ARID1B: variants seen among roughly 807,000 people sequenced by gnomAD.
ARID1B encodes the protein AT-rich interaction domain 1B.
In ARID1B, 30 loss-of-function variants were observed where a neutral mutation model predicts 212.3. The observed-to-expected ratio is 0.14, with a 90% CI of 0.11 to 0.19. ARID1B has a LOEUF of 0.19. Among genes scored for constraint, ARID1B ranks in the 10% least tolerant of loss-of-function variants. ARID1B has a pLI of 1.00. For synonymous variants in ARID1B, 1,402 were observed against 1,301.7 expected, an observed-to-expected ratio of 1.08 and a Z score of -1.66; for missense variants, 2,891 against 3,204.0, an observed-to-expected ratio of 0.90 and a Z score of 2.36.
intron 9 of ARID1B, 109 bp from the exon 10 acceptor site, chr6:157,173,899 C>A: frequency 3.4e-6 from 3 of 874,356 alleles, no homozygotes; most frequent in South Asian, 1.8e-5. Context: ...TTTCTTCCTT[C>A]AAGGGAAATG....
At chr6:156,844,369 C>T (rs1367082799) in intron 2 of ARID1B, among the ~76,000 whole-genome samples, 1 of 152,202 alleles carries the variant, frequency 6.6e-6, no homozygotes, top group African/African-American at 2.4e-5. Flanking sequence ...GATGGAAGTG[C>T]AGTATGTCTC....
Position 157,207,572 on chromosome 6 carries a change from T to C in ARID1B, c.6800T>C (p.Leu2267Pro). Residue 2267 changes from leucine to proline, a missense_variant, in exon 20 of 20, where the codon CTA becomes CCA. Transcript: ENST00000636930. This position sits in a 1 kb window ranked among gnomAD's most constrained non-coding sequence, Gnocchi z 8.5. ...LLSNLAQGDA[L>P]AARAIAVQKG... is the part of the protein sequence containing the mutation. ...TCGAACCTTGCCCAAGGGGACGCAC[T>C]AGCAGCAAGGGCCATAGCTGTGCAG... The C allele has an allele frequency of 6.2e-7, 1 of 1,614,134 alleles. No homozygotes were observed. The highest frequency in any genetic ancestry group is 8.5e-7 in the Non-Finnish European group (1 of 1,180,014).
At chr6:157,126,899 C>T (rs1343128317) in intron 6 of ARID1B, among the ~76,000 whole-genome samples, 1 of 152,224 alleles carries the variant, frequency 6.6e-6, no homozygotes, top group Non-Finnish European at 1.5e-5. Flanking sequence ...TGCGTTCCCT[C>T]AGCTGTCAGG....
chr6:157,060,069 C>T (rs1200458296), intron 4 of ARID1B, among the ~76,000 whole-genome samples: 5 of 152,032 alleles, frequency 3.3e-5, no homozygotes, highest in African/African-American at 9.7e-5. Flanking sequence ...ACCTGGACAC[C>T]GAGGCAGGGT....
At chr6:156,877,876 ATT>A (rs71750418) in intron 2 of ARID1B, among the ~76,000 whole-genome samples, 2 of 148,684 alleles carry the variant, frequency 1.3e-5, no homozygotes, top group African/African-American at 4.9e-5. Context: ...TACCTAGCTA[ATT>A]TTTTTTTTTG....
chr6:156,977,383 G>A (rs1410054224), intron 4 of ARID1B, among the ~76,000 whole-genome samples: 1 of 150,746 alleles, frequency 6.6e-6, no homozygotes, highest in Non-Finnish European at 1.5e-5. Flanking sequence ...TTTGTGGGCT[G>A]TGTCTTCAAT....
intron 4 of ARID1B, among the ~76,000 whole-genome samples, chr6:156,971,786 C>T (rs1380372169): frequency 6.6e-6 from 1 of 152,128 alleles, no homozygotes; most frequent in Non-Finnish European, 1.5e-5. Context: ...CTCTCTGATC[C>T]CTCTTTAAGG....
At chr6:156,986,229 G>A (rs1326820534) in intron 4 of ARID1B, among the ~76,000 whole-genome samples, 1 of 152,154 alleles carries the variant, frequency 6.6e-6, no homozygotes, top group East Asian at 1.9e-4. Flanking sequence ...CTTCCTCTCA[G>A]CCCCTTCACT....
intron 4 of ARID1B, among the ~76,000 whole-genome samples, chr6:156,962,919 C>CT (rs1159819749): frequency 6.6e-6 from 1 of 151,596 alleles, no homozygotes; most frequent in African/African-American, 2.4e-5. Flanking sequence ...GTAGCTGGGA[C>CT]TACAGGCGTG....
At chr6:156,799,333 C>G (rs1053373067) in intron 1 of ARID1B, among the ~76,000 whole-genome samples, 5 of 152,248 alleles carry the variant, frequency 3.3e-5, no homozygotes, top group African/African-American at 7.2e-5. Context: ...CTCAGGCATT[C>G]TGACCCCATT....
intron 4 of ARID1B, among the ~76,000 whole-genome samples, chr6:157,039,322 C>CTTTCTTTTTTTTTTTTTTTTTTTT (rs1781547108): frequency 9.7e-6 from 1 of 102,976 alleles, no homozygotes; most frequent in Admixed American, 1.0e-4. Flanking sequence ...TTTGACATTT[C>CTTTCTTTTTTTTTTTTTTTTTTTT]TTTTTTTTTT....
intron 4 of ARID1B, among the ~76,000 whole-genome samples, chr6:156,966,304 G>A (rs1017414818): frequency 2.6e-5 from 4 of 151,048 alleles, no homozygotes; most frequent in African/African-American, 7.3e-5. Flanking sequence ...TCTCGTTTTG[G>A]TAGTGTAAAT....
At chr6:156,901,246 G>A in intron 2 of ARID1B, 130 bp from the exon 3 acceptor site, 1 of 1,037,474 alleles carries the variant, frequency 9.6e-7, no homozygotes, top group Non-Finnish European at 1.4e-6. Context: ...TTAAGGAAGA[G>A]AGGATTAGAA....
chr6:157,098,379 C>G (rs1482485824), intron 5 of ARID1B, among the ~76,000 whole-genome samples: 1 of 152,168 alleles, frequency 6.6e-6, no homozygotes, highest in Non-Finnish European at 1.5e-5. Flanking sequence ...GCTAGCGATG[C>G]CATACCCAAA....
chr6:157,018,519 A>G (rs1275193013), intron 4 of ARID1B, among the ~76,000 whole-genome samples: 2 of 152,010 alleles, frequency 1.3e-5, no homozygotes, highest in South Asian at 2.1e-4. Context: ...CGGCATAACT[A>G]TTTCCTTTTT....
intron 4 of ARID1B, among the ~76,000 whole-genome samples, chr6:157,079,633 T>C (rs1784515650): frequency 6.6e-6 from 1 of 152,238 alleles, no homozygotes; most frequent in Non-Finnish European, 1.5e-5. Flanking sequence ...TAAGTTTTAA[T>C]AGCTAAGTCA....
At position 157,090,687 on chromosome 6, in the gene ARID1B, C is replaced by T. The variant is rs373084420; in HGVS notation, c.2491+5782C>T. Among the ~76,000 whole-genome samples the T allele has an allele frequency of 1.7e-3, 262 of 152,342 alleles. 3 individuals are homozygous for T. Among genetic ancestry groups the T allele is most frequent in the South Asian group, 0.015 (74 of 4,828 alleles). On this transcript the variant is annotated intron_variant, in intron 5 of 19. Coordinates refer to ENST00000636930, the MANE Select transcript of ARID1B (RefSeq NM_001374828.1). The stretch of plus-strand genomic sequence containing the variant: ...TTTTCTTTTCACATTTCGTGCTTCG[C>T]TGTTTGAGGCGCTCACCTGCCACCT...
rs552743649 is a variant in ARID1B at position 157,043,843 on chromosome 6, AGTTG to A, written c.2248-40815_2248-40812del. ...GTGGGTATGGCTGGCATCAAAAACTAGTTGGTTCCTTTTAACCTGGCTTATCTTA... is the reference window on the plus strand; with the variant it reads ...GTGGGTATGGCTGGCATCAAAAACTAGTTCCTTTTAACCTGGCTTATCTTA... On this transcript the variant is annotated intron_variant, in intron 4 of 19. Transcript: ENST00000636930. Among the ~76,000 whole-genome samples the A allele has an allele frequency of 1.2e-3, 185 of 152,336 alleles. 2 individuals carry two copies. Among genetic ancestry groups the A allele is most frequent in the African/African-American group, 4.0e-3 (167 of 41,576 alleles).
chr6:156,804,809 C>T (rs1336857985), intron 1 of ARID1B, among the ~76,000 whole-genome samples: 1 of 140,614 alleles, frequency 7.1e-6, no homozygotes. Context: ...CATTTTATTC[C>T]AGGGGTCATA....
Sources: gnomAD v4.1 joint callset for allele counts (sites outside exome capture counted in the v4.1 genomes callset) on GRCh38, gnomAD v4.1.1 for gene constraint, Gnocchi (gnomAD v3.1) non-coding constraint, MANE v1.5 for transcripts, NCBI Gene and HGNC (gene_info 2026-07-23, HGNC 2026-07-21) for gene names.